LRP1B: variants seen among roughly 807,000 people sequenced by gnomAD.
LRP1B encodes the protein low-density lipoprotein receptor-related protein 1B.
A neutral mutation model predicts 556.6 loss-of-function variants in LRP1B; 217 were observed. That is an observed-to-expected ratio of 0.39 (90% CI 0.35 to 0.44). The LOEUF (loss-of-function observed/expected upper bound fraction) is 0.44, where lower values mean the gene tolerates loss of function less well. Among genes scored for constraint, LRP1B ranks in the 20% least tolerant of loss-of-function variants. The pLI, the probability that LRP1B is intolerant of heterozygous loss-of-function variation, is 1.00. For missense variants in LRP1B, 5,053 were observed against 5,620.8 expected (o/e 0.90, Z 3.23); for synonymous variants, 2,047 against 1,865.8 (o/e 1.10, Z -2.50).
chr2:140,715,487 A>C (rs1227079851), intron 37 of LRP1B, among the ~76,000 whole-genome samples: 1 of 152,106 alleles, frequency 6.6e-6, no homozygotes, highest in Non-Finnish European at 1.5e-5. Flanking sequence ...TGAAAATGTC[A>C]AAACAGTTAG....
At chr2:141,606,704 C>T (rs890712812) in intron 2 of LRP1B, among the ~76,000 whole-genome samples, 1 of 152,096 alleles carries the variant, frequency 6.6e-6, no homozygotes, top group African/African-American at 2.4e-5. Context: ...AGCAAGTAGC[C>T]AGCTGAATAC....
chr2:141,206,543 T>C (rs557126097), intron 6 of LRP1B, among the ~76,000 whole-genome samples: 2 of 151,762 alleles, frequency 1.3e-5, no homozygotes, highest in South Asian at 2.1e-4. Flanking sequence ...GCCGAGATCG[T>C]GCCACTGCAC....
chr2:141,879,338 G>A (rs12613827), intron 1 of LRP1B, among the ~76,000 whole-genome samples: 38,471 of 151,628 alleles, frequency 0.25, 5,361 homozygotes, highest in East Asian at 0.43. Context: ...AAGTTAGAAT[G>A]TGAAAAACAA....
At chr2:140,566,214 G>C (rs1391179202) in intron 43 of LRP1B, among the ~76,000 whole-genome samples, 2 of 152,156 alleles carry the variant, frequency 1.3e-5, no homozygotes, top group African/African-American at 4.8e-5. Context: ...CCCTTCGCCA[G>C]GGGGTCAAGC....
intron 6 of LRP1B, among the ~76,000 whole-genome samples, chr2:141,195,195 G>C (rs1681700935): frequency 6.6e-6 from 1 of 152,024 alleles, no homozygotes; most frequent in African/African-American, 2.4e-5. Flanking sequence ...ACTCACTCTG[G>C]TGGAAGCCAC....
chr2:140,740,487 A>G (rs890577925), intron 35 of LRP1B, among the ~76,000 whole-genome samples: 1 of 152,094 alleles, frequency 6.6e-6, no homozygotes, highest in Non-Finnish European at 1.5e-5. Context: ...AGAATGATAC[A>G]TGGACTTTGA....
chr2:140,878,674 T>C (rs934208109), intron 25 of LRP1B, among the ~76,000 whole-genome samples: 2 of 151,958 alleles, frequency 1.3e-5, no homozygotes, highest in Admixed American at 1.3e-4. Flanking sequence ...TGTAGTGTTA[T>C]CTCCACAAAC....
At chr2:140,976,729 T>G (rs2105336510) in intron 18 of LRP1B, among the ~76,000 whole-genome samples, 1 of 152,090 alleles carries the variant, frequency 6.6e-6, no homozygotes, top group African/African-American at 2.4e-5. Context: ...CAGGTTGGTC[T>G]CAAACTCCTG....
intron 3 of LRP1B, among the ~76,000 whole-genome samples, chr2:141,321,780 C>T (rs773191479): frequency 1.3e-5 from 2 of 152,018 alleles, no homozygotes; most frequent in African/African-American, 2.4e-5. Context: ...AAGTGAAATA[C>T]AAAAACTTAT....
At position 140,700,568 on chromosome 2, in the gene LRP1B, G is replaced by C. The variant is rs1686598354; in HGVS notation, c.6481C>G (p.Arg2161Gly). The change falls in exon 41 of 91, where the codon CGA becomes GGA. Residue 2161 changes from arginine to glycine, a missense_variant. By Grantham distance (125) the Arg-to-Gly change is moderately radical (BLOSUM62 -2). This residue lies in a region of LRP1B where 3,619 missense variants were observed against 3,931.9 expected (regional missense o/e 0.92). Coordinates refer to ENST00000389484, the MANE Select transcript of LRP1B (RefSeq NM_018557.3). Reference protein sequence around the residue: ...NGGCKQLCLYRGNSRRTCACA... With the variant: ...NGGCKQLCLYGGNSRRTCACA... The stretch of plus-strand genomic sequence containing the variant: ...GCACAAGTTCTCCGGGAATTTCCTC[G>C]ATAAAGACAGAGTTGCTTACAGCCA... The C allele has an allele frequency of 6.2e-7, 1 of 1,613,382 alleles. No individual in the cohort carries two copies.
At chr2:140,989,932 G>A (rs762543827) in intron 16 of LRP1B, among the ~76,000 whole-genome samples, 47 of 152,094 alleles carry the variant, frequency 3.1e-4, no homozygotes, top group Non-Finnish European at 4.0e-4. Context: ...ATGGCCAGGC[G>A]TGGTGGCTCA....
intron 43 of LRP1B, among the ~76,000 whole-genome samples, chr2:140,550,141 CA>C (rs1289673775): frequency 6.6e-6 from 1 of 152,078 alleles, no homozygotes. Context: ...TGCACCTGCT[CA>C]AATGACCTGG....
intron 1 of LRP1B, among the ~76,000 whole-genome samples, chr2:142,125,951 G>A (rs561866655): frequency 6.6e-6 from 1 of 151,942 alleles, no homozygotes; most frequent in East Asian, 1.9e-4. Flanking sequence ...AGAAATTTAA[G>A]AAAAGTTTTA....
In LRP1B at chr2:141,005,444, G is replaced by A. The variant is rs2105373998; in HGVS notation, c.2394C>T (p.Cys798=). The A allele has an allele frequency of 1.9e-6, 3 of 1,610,148 alleles. No homozygotes were observed. Among genetic ancestry groups the A allele is most frequent in the Admixed American group, 1.7e-5 (1 of 59,776 alleles). The change falls in exon 15 of 91, where the codon TGC becomes TGT. Residue 798 remains cysteine (C), a synonymous_variant. Transcript: ENST00000389484. ...TACTACAGCCCCCATTATTTACTCGGCACATATTGTCACCTGCAAGAGGAA... is the reference window on the plus strand; with the variant it reads ...TACTACAGCCCCCATTATTTACTCGACACATATTGTCACCTGCAAGAGGAA... ...DPRKQQGDNM[C]RVNNGGCSTL...
intron 67 of LRP1B, among the ~76,000 whole-genome samples, chr2:140,384,411 C>A (rs1683670649): frequency 6.6e-6 from 1 of 152,150 alleles, no homozygotes; most frequent in African/African-American, 2.4e-5. Context: ...TTAAGTGGAT[C>A]AGAGAACTTC....
intron 2 of LRP1B, among the ~76,000 whole-genome samples, chr2:141,772,212 C>T (rs2105618187): frequency 6.6e-6 from 1 of 152,282 alleles, no homozygotes; most frequent in East Asian, 1.9e-4. Flanking sequence ...CGATCTTGGA[C>T]ATCTCAGCTT....
intron 25 of LRP1B, among the ~76,000 whole-genome samples, chr2:140,873,949 G>T (rs967828466): frequency 1.3e-5 from 2 of 151,352 alleles, no homozygotes; most frequent in African/African-American, 4.8e-5. Flanking sequence ...TTTTTTTTTG[G>T]TAAGAAAGCT....
In LRP1B at chr2:140,572,795, C is replaced by CATAAAATAAAATAAAATAAAATAAA. The variant is rs58239958; in HGVS notation, c.7194+25811_7194+25835dup. Among the ~76,000 whole-genome samples, 63 of 135,076 alleles carry CATAAAATAAAATAAAATAAAATAAA rather than the reference C, an allele frequency of 4.7e-4. 1 individual carries two copies. In the South Asian group the frequency reaches 5.5e-3, roughly 12 times the overall value. 88.6% of individuals were successfully genotyped at this position (135,076 alleles called of 152,430 possible). A position where few individuals can be genotyped will look rare whatever the true frequency, so the allele number is the denominator to read the frequency against. On this transcript the variant is annotated intron_variant, in intron 43 of 90. Transcript: ENST00000389484. The stretch of plus-strand genomic sequence containing the variant: ...TATACACAATGAGATACTATTCAGC[C>CATAAAATAAAATAAAATAAAATAAA]ATAAAATAAAATAAAATAAAATAAA...
At chr2:141,997,613 G>T (rs557390968) in intron 1 of LRP1B, among the ~76,000 whole-genome samples, 126 of 149,248 alleles carry the variant, frequency 8.4e-4, no homozygotes, top group African/African-American at 3.0e-3. Context: ...CTCCCAAAGT[G>T]CTGGGATTAT....
Sources: gnomAD v4.1 joint callset for allele counts (sites outside exome capture counted in the v4.1 genomes callset) on GRCh38, gnomAD v4.1.1 for gene constraint, gnomAD v4.1.1 regional missense constraint, MANE v1.5 for transcripts, NCBI Gene and HGNC (gene_info 2026-07-23, HGNC 2026-07-21) for gene names.